TTYH3: variants seen among roughly 807,000 people sequenced by gnomAD.
TTYH3 encodes the protein protein tweety homolog 3.
TTYH3 carries 23 observed loss-of-function variants against 68.2 expected under a neutral mutation model. That is an observed-to-expected ratio of 0.34 (90% confidence interval 0.24 to 0.48). The LOEUF (loss-of-function observed/expected upper bound fraction) is 0.48, where lower values mean the gene tolerates loss of function less well. TTYH3 is among the 20% of genes least tolerant of loss of function. The pLI, the probability that TTYH3 is intolerant of heterozygous loss-of-function variation, is 0.99. For synonymous variants in TTYH3, 360 were observed against 332.8 expected (o/e 1.08, Z -0.89); for missense variants, 768 against 727.7 (o/e 1.06, Z -0.64).
chr7:2,660,456 G>A lies in TTYH3; in HGVS notation c.1501-1212G>A, dbSNP rs765979497. On this transcript the variant is annotated intron_variant, in intron 13 of 13. Coordinates refer to ENST00000258796, the MANE Select transcript of TTYH3 (RefSeq NM_025250.3). ...CAGGGGCGTGCACACGGACAGGCACGTGCCGGCGAGCACGTGAGCTTCTCC... is the reference window on the plus strand; with the variant it reads ...CAGGGGCGTGCACACGGACAGGCACATGCCGGCGAGCACGTGAGCTTCTCC... 7.1e-6 allele frequency: 7 copies of A among 985,436 alleles called. No individual in the cohort carries two copies. In the Admixed American group the frequency reaches 3.1e-4, roughly 43 times the overall value. 61.0% of individuals were successfully genotyped at this position (985,436 alleles called of 1,614,324 possible). A position where few individuals can be genotyped will look rare whatever the true frequency, so the allele number is the denominator to read the frequency against.
Position 2,646,813 on chromosome 7 carries a change from G to A in TTYH3, c.124-40G>A, listed in dbSNP as rs771209457. On this transcript the variant is annotated intron_variant, in intron 1 of 13. Coordinates refer to ENST00000258796, the MANE Select transcript of TTYH3 (RefSeq NM_025250.3). ...GGGCGGGGCGTGGGACTCTGAGCTG[G>A]GGGTCCACCCCTCCAGCGCCGCTTC... The A allele has an allele frequency of 3.2e-6, 5 of 1,568,564 alleles. No individual in the cohort carries two copies. The African/African-American group carries it at 5.4e-5, about 17-fold the overall frequency.
intron 1 of TTYH3, among the ~76,000 whole-genome samples, chr7:2,636,274 G>T (rs1488829825): frequency 6.6e-6 from 1 of 152,202 alleles, no homozygotes; most frequent in East Asian, 1.9e-4. Flanking sequence ...TGGTTAAAAC[G>T]GCAGTGTTGG....
At chr7:2,657,145 G>A (rs1451997573) in intron 11 of TTYH3, among the ~76,000 whole-genome samples, 1 of 152,224 alleles carries the variant, frequency 6.6e-6, no homozygotes, top group East Asian at 1.9e-4. Flanking sequence ...CCTTGCCAGA[G>A]CTCCTATGGC....
intron 9 of TTYH3, 38 bp downstream of exon 9, chr7:2,653,048 C>A: frequency 6.6e-7 from 1 of 1,514,716 alleles, no homozygotes. Context: ...GCAGGCAGGG[C>A]TCCTCTTTTC....
At chr7:2,647,320 A>G in intron 3 of TTYH3, 67 bp downstream of exon 3, 1 of 1,520,642 alleles carries the variant, frequency 6.6e-7, no homozygotes, top group Non-Finnish European at 8.8e-7. Context: ...CTGCGCGAGG[A>G]CGGGCGGGGC....
intron 11 of TTYH3, 147 bp downstream of exon 11, chr7:2,656,681 C>T (rs1358433857): frequency 7.2e-6 from 7 of 966,884 alleles, no homozygotes; most frequent in Non-Finnish European, 1.0e-5. Flanking sequence ...CCCTAGGCCT[C>T]TCTAGTGTCT....
At chr7:2,658,495 C>G in intron 12 of TTYH3, 36 bp downstream of exon 12, 5 of 1,578,052 alleles carry the variant, frequency 3.2e-6, no homozygotes, top group Non-Finnish European at 4.3e-6. Flanking sequence ...CCAGCGGACA[C>G]GTCAGCTGCG....
In TTYH3 at chr7:2,655,330, G is replaced by C. The variant is rs570331321; in HGVS notation, c.1021-762G>C. Reference sequence around the variant, plus strand: ...CTGGCTAATTTTTGTATTTTTAGTAGAGACAGGGTTTCACCATGTTGCCCA... The same window carrying C: ...CTGGCTAATTTTTGTATTTTTAGTACAGACAGGGTTTCACCATGTTGCCCA... On this transcript the variant is annotated intron_variant, in intron 9 of 13. Transcript: ENST00000258796. 4.6e-5 allele frequency among the ~76,000 whole-genome samples: 7 copies of C among 152,240 alleles called. No individual in the cohort carries two copies. In the South Asian group the frequency reaches 1.5e-3, roughly 32 times the overall value.
intron 7 of TTYH3, 115 bp from the exon 8 acceptor site, chr7:2,652,072 C>T (rs888670421): frequency 4.7e-6 from 4 of 848,644 alleles, no homozygotes; most frequent in African/African-American, 3.3e-5. Context: ...CACATGCACA[C>T]ATGTAAACAT....
chr7:2,642,883 T>A (rs192309053), intron 1 of TTYH3, among the ~76,000 whole-genome samples: 8 of 146,970 alleles, frequency 5.4e-5, no homozygotes, highest in South Asian at 4.3e-4. Flanking sequence ...GCCAACATGG[T>A]GAAAACCCAT....
chr7:2,639,667 G>C (rs1028575505), intron 1 of TTYH3, among the ~76,000 whole-genome samples: 1 of 152,232 alleles, frequency 6.6e-6, no homozygotes, highest in Non-Finnish European at 1.5e-5. Context: ...GAAGCCGGGG[G>C]TGACTCTGTC....
intron 9 of TTYH3, among the ~76,000 whole-genome samples, chr7:2,653,677 A>C (rs1786253814): frequency 6.6e-6 from 1 of 152,220 alleles, no homozygotes; most frequent in South Asian, 2.1e-4. Context: ...AGCCTGGCCA[A>C]CATGGTGAAA....
At chr7:2,656,256 G>A (rs1194384884) in intron 10 of TTYH3, 72 bp downstream of exon 10, 2 of 1,557,910 alleles carry the variant, frequency 1.3e-6, no homozygotes, top group Non-Finnish European at 1.8e-6. Flanking sequence ...TGTTCGGGAG[G>A]ATGGGGACCC....
intron 13 of TTYH3, among the ~76,000 whole-genome samples, chr7:2,659,239 G>A (rs1457054474): frequency 1.3e-5 from 2 of 152,162 alleles, no homozygotes; most frequent in African/African-American, 2.4e-5. Flanking sequence ...GCTCCTCCCC[G>A]CTGGCCTTGG....
intron 1 of TTYH3, among the ~76,000 whole-genome samples, chr7:2,641,240 C>G (rs920440723): frequency 3.3e-5 from 5 of 152,180 alleles, no homozygotes; most frequent in African/African-American, 1.2e-4. Flanking sequence ...GGCTTCAGGC[C>G]CCGGCTCTCT....
At chr7:2,641,203 G>A (rs1244283457) in intron 1 of TTYH3, among the ~76,000 whole-genome samples, 1 of 152,222 alleles carries the variant, frequency 6.6e-6, no homozygotes, top group African/African-American at 2.4e-5. Context: ...GATCCTATCG[G>A]TAGCAACCTG....
chr7:2,635,866 T>TG (rs1785643603), intron 1 of TTYH3, among the ~76,000 whole-genome samples: 1 of 152,134 alleles, frequency 6.6e-6, no homozygotes, highest in Non-Finnish European at 1.5e-5. Flanking sequence ...ACAGAGACCT[T>TG]GGGGAAGAGC....
intron 8 of TTYH3, chr7:2,652,681 G>C (rs1786218856): frequency 3.4e-6 from 2 of 581,410 alleles, no homozygotes; most frequent in Non-Finnish European, 6.1e-6. Flanking sequence ...CCGTGTGACT[G>C]TGCTTTGCTT....
intron 9 of TTYH3, among the ~76,000 whole-genome samples, chr7:2,653,633 T>C: frequency 6.6e-6 from 1 of 152,046 alleles, no homozygotes; most frequent in East Asian, 1.9e-4. Context: ...GAGGCCGAGG[T>C]GGGTGAATCA....
Sources: gnomAD v4.1 joint callset for allele counts (sites outside exome capture counted in the v4.1 genomes callset) on GRCh38, gnomAD v4.1.1 for gene constraint, MANE v1.5 for transcripts, NCBI Gene and HGNC (gene_info 2026-07-23, HGNC 2026-07-21) for gene names.